SLC9A9: variants seen among roughly 807,000 people sequenced by gnomAD.
The protein encoded by SLC9A9 is sodium/hydrogen exchanger 9.
In SLC9A9, 62 loss-of-function variants were observed where a neutral mutation model predicts 77.8. That is an observed-to-expected ratio of 0.80 (90% CI 0.65 to 0.98). The LOEUF is 0.98. Among genes scored for constraint, SLC9A9 ranks in the 50% least tolerant of loss-of-function variants. The pLI, the probability that SLC9A9 is intolerant of heterozygous loss-of-function variation, is 0.00. For synonymous variants in SLC9A9, 320 were observed against 283.5 expected (o/e 1.13, Z -1.29); for missense variants, 775 against 774.9 (o/e 1.00, Z 0.00).
intron 4 of SLC9A9, among the ~76,000 whole-genome samples, chr3:143,760,439 A>T (rs1227235377): frequency 6.6e-6 from 1 of 152,220 alleles, no homozygotes; most frequent in Non-Finnish European, 1.5e-5. Flanking sequence ...TTGTATAGCT[A>T]GAAAACCCCA....
intron 14 of SLC9A9, among the ~76,000 whole-genome samples, chr3:143,287,370 A>C (rs935756449): frequency 3.3e-5 from 5 of 152,164 alleles, no homozygotes; most frequent in African/African-American, 1.2e-4. Flanking sequence ...TGGGGTAGAC[A>C]TCAAAAAGTG....
chr3:143,837,931 A>T (rs2009610332), intron 1 of SLC9A9, among the ~76,000 whole-genome samples: 1 of 152,242 alleles, frequency 6.6e-6, no homozygotes, highest in African/African-American at 2.4e-5. Context: ...GTCAGCACTG[A>T]AGGTAGCAGA....
intron 6 of SLC9A9, among the ~76,000 whole-genome samples, chr3:143,583,217 A>G (rs1043051043): frequency 4.6e-5 from 7 of 152,150 alleles, no homozygotes; most frequent in African/African-American, 9.6e-5. Flanking sequence ...AAATAAGTCC[A>G]GGATATTGAT....
At chr3:143,332,287 T>C (rs2031796019) in intron 14 of SLC9A9, among the ~76,000 whole-genome samples, 1 of 144,152 alleles carries the variant, frequency 6.9e-6, no homozygotes, top group Non-Finnish European at 1.5e-5. Context: ...AATCTTTCTC[T>C]ATGTAGGGTT....
At chr3:143,606,413 T>TCC (rs1408490561) in intron 6 of SLC9A9, among the ~76,000 whole-genome samples, 132 of 62,448 alleles carry the variant, frequency 2.1e-3, no homozygotes, top group Admixed American at 3.9e-3. Flanking sequence ...TCTCTCTCTC[T>TCC]CTCTCTCTCT....
At chr3:143,836,117 C>T (rs17594058) in intron 1 of SLC9A9, among the ~76,000 whole-genome samples, 38,201 of 152,152 alleles carry the variant, frequency 0.25, 5,943 homozygotes, top group South Asian at 0.36. Context: ...ACTCACTATC[C>T]TAAAATGTCC....
rs139947738 is a variant in SLC9A9 at position 143,711,932 on chromosome 3, G to A, written c.534-18625C>T. Among the ~76,000 whole-genome samples, 63 of 152,192 alleles carry A rather than the reference G, an allele frequency of 4.1e-4. No homozygotes were observed. In the East Asian group the frequency reaches 0.012, roughly 28 times the overall value. On this transcript the variant is annotated intron_variant, in intron 4 of 15. Transcript: ENST00000316549. The stretch of plus-strand genomic sequence containing the variant: ...ATGGGGCTAATTCTGAACAATCTAC[G>A]GAAATATTTCTGACAATCACCTAGT...
At chr3:143,391,190 G>A (rs1365497165) in intron 12 of SLC9A9, among the ~76,000 whole-genome samples, 1 of 152,240 alleles carries the variant, frequency 6.6e-6, no homozygotes, top group Non-Finnish European at 1.5e-5. Context: ...GCCTAACTGG[G>A]AGGCACCCTC....
At chr3:143,511,740 C>A (rs79110283) in intron 9 of SLC9A9, among the ~76,000 whole-genome samples, 3,541 of 152,320 alleles carry the variant, frequency 0.023, 68 homozygotes, top group Non-Finnish European at 0.035. Context: ...GTGGCACACC[C>A]TCCTTTCCTT....
intron 9 of SLC9A9, among the ~76,000 whole-genome samples, chr3:143,551,970 G>T (rs1177862713): frequency 1.3e-5 from 2 of 152,160 alleles, no homozygotes; most frequent in Non-Finnish European, 2.9e-5. Flanking sequence ...GGCATCAAAA[G>T]CACCCAATTA....
At chr3:143,730,275 A>G (rs1428444477) in intron 4 of SLC9A9, among the ~76,000 whole-genome samples, 1 of 152,186 alleles carries the variant, frequency 6.6e-6, no homozygotes, top group Non-Finnish European at 1.5e-5. Context: ...CTTACAACTC[A>G]TCTCCCGCTC....
chr3:143,387,031 G>A (rs1025371869), intron 12 of SLC9A9, among the ~76,000 whole-genome samples: 1 of 152,090 alleles, frequency 6.6e-6, no homozygotes, highest in Non-Finnish European at 1.5e-5. Flanking sequence ...AGTAGAGATG[G>A]GGTTTTGTCA....
At chr3:143,360,052 AAG>A (rs1484476664) in intron 14 of SLC9A9, among the ~76,000 whole-genome samples, 3 of 152,228 alleles carry the variant, frequency 2.0e-5, no homozygotes, top group African/African-American at 4.8e-5. Context: ...CAGGTAGAGT[AAG>A]AGATATCATG....
chr3:143,799,993 T>C (rs1281858362), intron 2 of SLC9A9, among the ~76,000 whole-genome samples: 1 of 152,174 alleles, frequency 6.6e-6, no homozygotes. Flanking sequence ...ACTTAGACAA[T>C]ACTCTTTTAA....
At chr3:143,558,005 G>A (rs187108337) in intron 8 of SLC9A9, among the ~76,000 whole-genome samples, 1 of 152,358 alleles carries the variant, frequency 6.6e-6, no homozygotes, top group Admixed American at 6.5e-5. Context: ...TCCCATCACA[G>A]GCCTGGAGGC....
intron 9 of SLC9A9, among the ~76,000 whole-genome samples, chr3:143,511,280 T>C (rs1465235098): frequency 6.6e-6 from 1 of 152,210 alleles, no homozygotes; most frequent in Admixed American, 6.5e-5. Context: ...GTCCAAGCTA[T>C]GGCCATCCTT....
At chr3:143,557,985 C>G (rs1196396715) in intron 8 of SLC9A9, among the ~76,000 whole-genome samples, 1 of 152,240 alleles carries the variant, frequency 6.6e-6, no homozygotes, top group Non-Finnish European at 1.5e-5. Flanking sequence ...GAGACCTTCA[C>G]AGCAGCCCCT....
chr3:143,516,165 C>T (rs1404281252), intron 9 of SLC9A9, among the ~76,000 whole-genome samples: 1 of 152,160 alleles, frequency 6.6e-6, no homozygotes, highest in Non-Finnish European at 1.5e-5. Context: ...ATAAACTGTA[C>T]ACGACATGTT....
At chr3:143,521,144 G>C (rs1302876385) in intron 9 of SLC9A9, among the ~76,000 whole-genome samples, 1 of 152,080 alleles carries the variant, frequency 6.6e-6, no homozygotes, top group African/African-American at 2.4e-5. Context: ...TTGTGCTTTA[G>C]AATTCTTTCC....
Sources: gnomAD v4.1 joint callset for allele counts (sites outside exome capture counted in the v4.1 genomes callset) on GRCh38, gnomAD v4.1.1 for gene constraint, MANE v1.5 for transcripts, NCBI Gene and HGNC (gene_info 2026-07-23, HGNC 2026-07-21) for gene names.